The following USP3 variants were observed in gnomAD, a reference collection of about 807,000 sequenced individuals.
The protein encoded by USP3 is ubiquitin specific peptidase 3.
In USP3, 20 loss-of-function variants were observed where a neutral mutation model predicts 72.3. That is an observed-to-expected ratio of 0.28 (90% CI 0.19 to 0.40). USP3 has a LOEUF of 0.40. Ranked by LOEUF, USP3 falls within the 10% of genes least tolerant of loss-of-function variation. USP3 has a pLI of 1.00. For missense variants in USP3, 479 were observed against 633.9 expected, an observed-to-expected ratio of 0.76 and a Z score of 2.62; for synonymous variants, 222 against 225.3, an observed-to-expected ratio of 0.99 and a Z score of 0.13.
chr15:63,565,890 A>G (rs1238368621), intron 8 of USP3, among the ~76,000 whole-genome samples: 3 of 152,162 alleles, frequency 2.0e-5, no homozygotes, highest in Non-Finnish European at 4.4e-5. Flanking sequence ...GCTCAAGGAA[A>G]TGTTCTTCTG....
chr15:63,525,683 T>C (rs1276162883), intron 1 of USP3, among the ~76,000 whole-genome samples: 1 of 152,252 alleles, frequency 6.6e-6, no homozygotes, highest in Non-Finnish European at 1.5e-5. Flanking sequence ...AACATGCAGT[T>C]CAGAGAGGAT....
At chr15:63,559,778 G>A in intron 6 of USP3, 79 bp from the exon 7 acceptor site, 2 of 1,241,552 alleles carry the variant, frequency 1.6e-6, no homozygotes, top group Non-Finnish European at 1.1e-6. Flanking sequence ...GTTTCAAAAT[G>A]TATATGTAGG....
chr15:63,524,822 C>G (rs1330315349), intron 1 of USP3, among the ~76,000 whole-genome samples: 1 of 152,130 alleles, frequency 6.6e-6, no homozygotes. Context: ...TTCATAAGGC[C>G]TGGAGTTGCA....
intron 4 of USP3, among the ~76,000 whole-genome samples, chr15:63,554,425 C>T (rs533154636): frequency 6.8e-4 from 103 of 152,242 alleles, no homozygotes; most frequent in Non-Finnish European, 1.3e-3. Context: ...TCACTGGACC[C>T]GAAATTGAAG....
intron 1 of USP3, among the ~76,000 whole-genome samples, chr15:63,507,971 G>A (rs2065735051): frequency 6.6e-6 from 1 of 152,128 alleles, no homozygotes; most frequent in Non-Finnish European, 1.5e-5. Context: ...GGGAAGAATG[G>A]CATTATTTTG....
At chr15:63,589,085 C>A in intron 14 of USP3, 74 bp downstream of exon 14, 2 of 1,521,472 alleles carry the variant, frequency 1.3e-6, no homozygotes, top group South Asian at 1.1e-5. Context: ...TTTTGTACCA[C>A]TCTTGCTAGT....
rs371525782 is a variant in USP3 at position 63,545,400 on chromosome 15, G to T, written c.284+8244G>T. 3.3e-5 allele frequency among the ~76,000 whole-genome samples: 5 copies of T among 152,128 alleles called. No homozygotes were observed. In the East Asian group the frequency reaches 7.7e-4, roughly 23 times the overall value. Reference sequence around the variant, plus strand: ...TTAAATGAGTTTAAAACTACTTTATGATCACATTTGGCTCAATGAATTTGG... The same window carrying T: ...TTAAATGAGTTTAAAACTACTTTATTATCACATTTGGCTCAATGAATTTGG... On this transcript the variant is annotated intron_variant, in intron 3 of 14. Coordinates refer to ENST00000380324, the MANE Select transcript of USP3 (RefSeq NM_006537.4).
chr15:63,573,747 C>A (rs74018127), intron 9 of USP3, among the ~76,000 whole-genome samples: 16,964 of 152,174 alleles, frequency 0.11, 961 homozygotes, highest in Middle Eastern at 0.14. Flanking sequence ...TTGCCCTGTG[C>A]AGAGTCATGC....
intron 9 of USP3, among the ~76,000 whole-genome samples, chr15:63,571,836 C>T (rs541051402): frequency 2.6e-5 from 4 of 152,146 alleles, no homozygotes; most frequent in Non-Finnish European, 4.4e-5. Context: ...GAGTTAGGGA[C>T]AGAAACCAAA....
At chr15:63,522,470 T>C (rs2065932775) in intron 1 of USP3, among the ~76,000 whole-genome samples, 1 of 152,212 alleles carries the variant, frequency 6.6e-6, no homozygotes, top group African/African-American at 2.4e-5. Flanking sequence ...GTTGGGAAAG[T>C]AGGCTAAAGC....
At position 63,561,837 on chromosome 15, in the gene USP3, T is replaced by C. The variant is rs1052901389; in HGVS notation, c.648-1058T>C. Among the ~76,000 whole-genome samples the C allele has an allele frequency of 4.6e-5, 7 of 152,180 alleles. No individual in the cohort carries two copies. The East Asian group carries it at 5.8e-4, about 13-fold the overall frequency. ...ATTGTGAGGGTTGAGAAAGAAGATA[T>C]TGAGATTCTCTGAGATACCAATCAA... On this transcript the variant is annotated intron_variant, in intron 7 of 14. Transcript: ENST00000380324.
At position 63,560,379 on chromosome 15, in the gene USP3, G is replaced by A. The variant is rs528832014; in HGVS notation, c.647+409G>A. On this transcript the variant is annotated intron_variant, in intron 7 of 14. Transcript: ENST00000380324. ...TGCGGTGAGCCGAGATCGCGCCACT[G>A]CCCTCCAGCCTAGGTGACAGGGCGA... Among the ~76,000 whole-genome samples, 103 of 148,926 alleles carry A rather than the reference G, an allele frequency of 6.9e-4. No homozygotes were observed. The South Asian group carries it at 9.3e-3, about 13-fold the overall frequency.
At chr15:63,532,291 G>T (rs4984297) in intron 1 of USP3, among the ~76,000 whole-genome samples, 71,839 of 152,004 alleles carry the variant, frequency 0.47, 17,917 homozygotes, top group Non-Finnish European at 0.56. Context: ...GTGATTAAAT[G>T]ACTAGACTTA....
In USP3 at chr15:63,504,706, A is replaced by T. The variant is rs1244786424; in HGVS notation, c.-34A>T. The stretch of plus-strand genomic sequence containing the variant: ...CCGCCCCCACCTCGCCGGGTCCTGG[A>T]GCCGCAGTCCTCCCAGCTGCCCTCC... On this transcript the variant is annotated 5_prime_UTR_variant, in exon 1 of 15. Coordinates refer to ENST00000380324, the MANE Select transcript of USP3 (RefSeq NM_006537.4). 2 of 1,561,586 alleles carry T rather than the reference A, an allele frequency of 1.3e-6. No homozygotes were observed. Among genetic ancestry groups the T allele is most frequent in the African/African-American group, 2.8e-5 (2 of 72,372 alleles).
At chr15:63,580,087 T>A (rs1207478725) in intron 11 of USP3, among the ~76,000 whole-genome samples, 1 of 152,168 alleles carries the variant, frequency 6.6e-6, no homozygotes, top group Non-Finnish European at 1.5e-5. Context: ...ACAATTTAAA[T>A]GTCCACCAGT....
intron 3 of USP3, among the ~76,000 whole-genome samples, chr15:63,543,325 A>G (rs188694088): frequency 5.3e-5 from 8 of 152,314 alleles, no homozygotes; most frequent in Non-Finnish European, 1.0e-4. Context: ...ATTTTACTCA[A>G]TAAGTAACAT....
At chr15:63,537,730 G>C (rs1003984353) in intron 3 of USP3, among the ~76,000 whole-genome samples, 4 of 152,260 alleles carry the variant, frequency 2.6e-5, no homozygotes, top group Admixed American at 2.6e-4. Context: ...TTGCTGCCCA[G>C]GCTGGAGTGC....
rs1270978204 is a variant in USP3 at position 63,574,520 on chromosome 15, TAACAA to T, written c.1096+120_1096+124del. On this transcript the variant is annotated intron_variant, in intron 11 of 14. Transcript: ENST00000380324. The surrounding 1 kb of genome is among the most constrained non-coding windows in gnomAD (Gnocchi z 4.6). ...TCTTTAATGAATCTGTGTTGTAACT[TAACAA>T]AAGTCAAACTTGAATGTCTTTTCCT... is the stretch of plus-strand genomic sequence containing the variant. 2 of 723,216 alleles carry T rather than the reference TAACAA, an allele frequency of 2.8e-6. No individual in the cohort carries two copies. The highest frequency in any genetic ancestry group is 4.1e-6 in the Non-Finnish European group (2 of 485,138). The allele number at this position is 723,216 out of a possible 1,614,324, so 44.8% of individuals were successfully genotyped here.
At position 63,574,019 on chromosome 15, in the gene USP3, A is replaced by G; in HGVS notation, c.909-27A>G. 6.7e-7 allele frequency: 1 copy of G among 1,489,760 alleles called. No homozygotes were observed. The highest frequency in any genetic ancestry group is 9.1e-7 in the Non-Finnish European group (1 of 1,103,072). 92.3% of individuals were successfully genotyped at this position (1,489,760 alleles called of 1,614,324 possible). A position where few individuals can be genotyped will look rare whatever the true frequency, so the allele number is the denominator to read the frequency against. ...CAAAGAGATGGCTTCTTACTGAGAT[A>G]TTTTCCTGTGTGGTGATTTTGTTTA... On this transcript the variant is annotated intron_variant, in intron 9 of 14. Coordinates refer to ENST00000380324, the MANE Select transcript of USP3 (RefSeq NM_006537.4). The surrounding 1 kb of genome is among the most constrained non-coding windows in gnomAD (Gnocchi z 4.6).
Sources: allele counts gnomAD v4.1 joint callset (sites outside exome capture counted in the v4.1 genomes callset), GRCh38; gene constraint gnomAD v4.1.1; non-coding constraint Gnocchi (gnomAD v3.1); transcripts MANE v1.5; gene names NCBI Gene and HGNC (gene_info 2026-07-23, HGNC 2026-07-21).